TUSC3: variants seen among roughly 807,000 people sequenced by gnomAD.
TUSC3 encodes tumor suppressor candidate 3, also known as dolichyl-diphosphooligosaccharide--protein glycosyltransferase subunit TUSC3.
In TUSC3, 45 loss-of-function variants were observed where a neutral mutation model predicts 44.8. That is an observed-to-expected ratio of 1.00 (90% CI 0.79 to 1.29). TUSC3 has a LOEUF of 1.29. TUSC3 is among the 50% of genes most tolerant of loss of function. The pLI is 0.00. For synonymous variants in TUSC3, 212 were observed against 152.9 expected, an observed-to-expected ratio of 1.39 and a Z score of -2.85; for missense variants, 519 against 437.9, an observed-to-expected ratio of 1.19 and a Z score of -1.65.
At chr8:15,810,595 A>C in the TUSC3 span, among the ~76,000 whole-genome samples, 2 of 152,000 alleles carry the variant, frequency 1.3e-5, no homozygotes, top group Admixed American at 6.6e-5. Flanking sequence ...CCATGATGGC[A>C]CTACTGCACT....
chr8:15,595,933 C>T (rs1221234916), intron 1 of TUSC3, among the ~76,000 whole-genome samples: 3 of 152,032 alleles, frequency 2.0e-5, no homozygotes, highest in Non-Finnish European at 2.9e-5. Flanking sequence ...GTGATTTGAC[C>T]AATTGAATAG....
In TUSC3 at chr8:15,550,032, C is replaced by CACGGGGT. The variant is rs1270808284; in HGVS notation, c.138+9468_138+9474dup. 4.6e-5 allele frequency among the ~76,000 whole-genome samples: 7 copies of CACGGGGT among 151,818 alleles called. 1 individual carries two copies. The highest frequency in any genetic ancestry group is 1.0e-4 in the Non-Finnish European group (7 of 67,868). On this transcript the variant is annotated intron_variant, in intron 1 of 10. Transcript: ENST00000503731. ...AGAGGGTCATGATCGATTGAGCAAG[C>CACGGGGT]ACGGGGTACGTGACTGGGGGCTGCT...
chr8:15,735,240 C>G (rs1810881247), intron 7 of TUSC3, among the ~76,000 whole-genome samples: 1 of 150,722 alleles, frequency 6.6e-6, no homozygotes, highest in Non-Finnish European at 1.5e-5. Flanking sequence ...CAGCATGAAC[C>G]TAAGTAAGGG....
intron 2 of TUSC3, among the ~76,000 whole-genome samples, chr8:15,647,957 T>G (rs968553891): frequency 6.6e-6 from 1 of 152,220 alleles, no homozygotes; most frequent in African/African-American, 2.4e-5. Context: ...TGTTTTGATA[T>G]ATCCCAGTAT....
intron 1 of TUSC3, among the ~76,000 whole-genome samples, chr8:15,565,067 T>G (rs1317016287): frequency 1.3e-5 from 2 of 152,118 alleles, no homozygotes; most frequent in Non-Finnish European, 2.9e-5. Flanking sequence ...AGCAATCGAT[T>G]ATCTTACAGT....
the TUSC3 span, among the ~76,000 whole-genome samples, chr8:15,821,469 T>A: frequency 1.3e-5 from 2 of 151,118 alleles, no homozygotes; most frequent in African/African-American, 2.4e-5. Flanking sequence ...TCTTCAAGAT[T>A]TTTTTCTTTC....
At position 15,427,120 on chromosome 8, in the gene TUSC3, T is replaced by G. The variant is rs1047495285; in HGVS notation, n.91+9815T>G. Reference sequence around the variant, plus strand: ...TGATTTGTAAGAGTTTCTTACATACTTTGGAAATTAACCCCTTATGAGATA... The same window carrying G: ...TGATTTGTAAGAGTTTCTTACATACGTTGGAAATTAACCCCTTATGAGATA... On this transcript the variant is annotated intron_variant and non_coding_transcript_variant, in intron 1 of 5. Coordinates refer to the TUSC3 transcript ENST00000503191. 7.2e-5 allele frequency among the ~76,000 whole-genome samples: 11 copies of G among 151,964 alleles called. No homozygotes were observed. The Middle Eastern group carries it at 0.01, about 141-fold the overall frequency.
chr8:15,601,495 AT>A (rs1392692626), intron 1 of TUSC3, among the ~76,000 whole-genome samples: 1 of 151,772 alleles, frequency 6.6e-6, no homozygotes, highest in African/African-American at 2.4e-5. Context: ...CAAAACTGAG[AT>A]GCTTTCTTTG....
the TUSC3 span, among the ~76,000 whole-genome samples, chr8:15,801,035 C>A: frequency 6.6e-6 from 1 of 152,108 alleles, no homozygotes; most frequent in Non-Finnish European, 1.5e-5. Context: ...GGTTCTGGAT[C>A]TCACCCAAGA....
At chr8:15,797,907 GT>G in the TUSC3 span, among the ~76,000 whole-genome samples, 16 of 151,636 alleles carry the variant, frequency 1.1e-4, no homozygotes, top group Middle Eastern at 3.4e-3. Flanking sequence ...GTCCTGTTAG[GT>G]TTTTTTTTCC....
the TUSC3 span, among the ~76,000 whole-genome samples, chr8:15,772,766 A>C: frequency 6.6e-6 from 1 of 152,344 alleles, no homozygotes; most frequent in African/African-American, 2.4e-5. Flanking sequence ...AATACTAGCA[A>C]ACAATCCAGC....
rs368496069 is a variant in TUSC3, at chr8:15,486,492, T to G, written n.189+3009T>G. ...TGGAGTCTTGCCCTTTTGCCCAGGT[T>G]GGAGTACAGTGGTGCTGTCTCGCCT... On this transcript the variant is annotated intron_variant and non_coding_transcript_variant, in intron 2 of 5. Coordinates refer to the TUSC3 transcript ENST00000503191. Among the ~76,000 whole-genome samples the G allele has an allele frequency of 4.6e-5, 7 of 152,178 alleles. No homozygotes were observed. The East Asian group carries it at 1.2e-3, about 25-fold the overall frequency.
chr8:15,648,234 C>T (rs1806715977), intron 2 of TUSC3, among the ~76,000 whole-genome samples: 1 of 152,100 alleles, frequency 6.6e-6, no homozygotes, highest in Admixed American at 6.5e-5. Flanking sequence ...TTTGGGCAGT[C>T]ATATTCGAAA....
the TUSC3 span, among the ~76,000 whole-genome samples, chr8:15,825,806 CTTAAG>C: frequency 3.3e-5 from 5 of 151,392 alleles, no homozygotes; most frequent in African/African-American, 7.3e-5. Flanking sequence ...GCTATTTTAC[CTTAAG>C]TTAATTCTCT....
chr8:15,535,830 G>C (rs929238927), upstream of TUSC3, among the ~76,000 whole-genome samples: 1 of 152,154 alleles, frequency 6.6e-6, no homozygotes, highest in Non-Finnish European at 1.5e-5. Context: ...GACGTGTTGG[G>C]AGATCAGAGC....
intron 1 of TUSC3, among the ~76,000 whole-genome samples, chr8:15,463,313 C>T (rs544721872): frequency 5.9e-5 from 9 of 152,054 alleles, no homozygotes; most frequent in South Asian, 2.1e-4. Context: ...TAGAGGAGTC[C>T]GTCATCACTA....
Position 15,514,366 on chromosome 8 carries a change from T to C in TUSC3, n.189+30883T>C, listed in dbSNP as rs1023186715. Among the ~76,000 whole-genome samples, 3 of 152,208 alleles carry C rather than the reference T, an allele frequency of 2.0e-5. No homozygotes were observed. In the South Asian group the frequency reaches 6.2e-4, roughly 31 times the overall value. On this transcript the variant is annotated intron_variant and non_coding_transcript_variant, in intron 2 of 5. Coordinates refer to the TUSC3 transcript ENST00000503191. ...TCATAACATTGTGCAAAGAATGAAG[T>C]TGAGCAAGAAAATTAATAGGGATAC...
chr8:15,575,422 T>G (rs1563298271), intron 1 of TUSC3, among the ~76,000 whole-genome samples: 1 of 152,138 alleles, frequency 6.6e-6, no homozygotes. Flanking sequence ...AACATATGTG[T>G]GTACATTCAT....
chr8:15,668,092 C>T (rs1807756720), intron 5 of TUSC3, among the ~76,000 whole-genome samples: 1 of 151,654 alleles, frequency 6.6e-6, no homozygotes, highest in South Asian at 2.1e-4. Context: ...AAGTGTTCTC[C>T]CACTGCAGTG....
Sources: allele counts gnomAD v4.1 joint callset (sites outside exome capture counted in the v4.1 genomes callset), GRCh38; gene constraint gnomAD v4.1.1; transcripts MANE v1.5; gene names NCBI Gene and HGNC (gene_info 2026-07-23, HGNC 2026-07-21).